PRDM16: variants seen among roughly 807,000 people sequenced by gnomAD.
PRDM16 encodes histone-lysine N-methyltransferase PRDM16.
Under a neutral mutation model 110.6 loss-of-function variants are expected in PRDM16, and 23 were observed. That is an observed-to-expected ratio of 0.21 (90% confidence interval 0.15 to 0.29). The LOEUF is 0.29. Among genes scored for constraint, PRDM16 ranks in the 10% least tolerant of loss-of-function variants. The probability of loss-of-function intolerance (pLI) is 1.00; values close to 1 mark genes in which losing one functional copy is unlikely to be tolerated. For missense variants in PRDM16, 1,615 were observed against 1,794.3 expected (o/e 0.90, Z 1.81); for synonymous variants, 799 against 781.8 (o/e 1.02, Z -0.37).
chr1:3,336,938 TTGG>T (rs1205747581), intron 3 of PRDM16, among the ~76,000 whole-genome samples: 2 of 151,084 alleles, frequency 1.3e-5, no homozygotes, highest in Non-Finnish European at 2.9e-5. Context: ...TGCACATGTG[TTGG>T]TGTGAGTCTG....
intron 5 of PRDM16, among the ~76,000 whole-genome samples, chr1:3,401,906 T>C (rs542271498): frequency 6.6e-6 from 1 of 152,262 alleles, no homozygotes; most frequent in African/African-American, 2.4e-5. Context: ...TGTAGGTGCA[T>C]GCAGAAACAC....
In PRDM16 at chr1:3,411,469, G is replaced by C; in HGVS notation, c.1272G>C (p.Lys424Asn). Residue 424 changes from lysine (K) to asparagine (N), a missense_variant, in exon 9 of 17, where the codon AAG becomes AAC. By Grantham distance (94) the Lys-to-Asn change is moderately conservative. Transcript: ENST00000270722. Reference sequence around the variant, plus strand: ...ACGCCGACTGCCGCACGCAGATCAAGTGCAAGGACTGTGGCCAGATGTTCA... The same window carrying C: ...ACGCCGACTGCCGCACGCAGATCAACTGCAAGGACTGTGGCCAGATGTTCA... Reference protein sequence around the residue: ...RMHADCRTQIKCKDCGQMFST... With the variant: ...RMHADCRTQINCKDCGQMFST... 1 of 1,614,224 alleles carries C rather than the reference G, an allele frequency of 6.2e-7. No individual in the cohort carries two copies. The highest frequency in any genetic ancestry group is 8.5e-7 in the Non-Finnish European group (1 of 1,180,050).
chr1:3,119,805 G>C (rs1643049537), intron 1 of PRDM16, among the ~76,000 whole-genome samples: 1 of 152,210 alleles, frequency 6.6e-6, no homozygotes, highest in South Asian at 2.1e-4. Flanking sequence ...GCTGAGAAAG[G>C]CCTGCCCCTG....
chr1:3,212,295 T>C (rs938563100), intron 2 of PRDM16, among the ~76,000 whole-genome samples: 1 of 152,192 alleles, frequency 6.6e-6, no homozygotes, highest in Admixed American at 6.5e-5. Context: ...TTGTCCCCGC[T>C]GGGGCTCGGG....
intron 1 of PRDM16, among the ~76,000 whole-genome samples, chr1:3,172,786 G>T (rs562724271): frequency 6.6e-6 from 1 of 152,324 alleles, no homozygotes; most frequent in African/African-American, 2.4e-5. Context: ...TGCCGGGGCT[G>T]GGGGAGGGGA....
chr1:3,322,029 T>C (rs1395719944), intron 3 of PRDM16, among the ~76,000 whole-genome samples: 4 of 147,918 alleles, frequency 2.7e-5, no homozygotes, highest in African/African-American at 1.1e-4. Flanking sequence ...AGTGCAGATG[T>C]GTGTGAGAGT....
At chr1:3,223,103 C>CTTCT (rs1639211704) in intron 2 of PRDM16, among the ~76,000 whole-genome samples, 1 of 73,996 alleles carries the variant, frequency 1.4e-5, no homozygotes, top group African/African-American at 7.1e-5. Context: ...AAAATCAAGG[C>CTTCT]TTTTTTTTTT....
At chr1:3,261,219 C>T (rs1486798323) in intron 3 of PRDM16, among the ~76,000 whole-genome samples, 1 of 151,690 alleles carries the variant, frequency 6.6e-6, no homozygotes, top group South Asian at 2.1e-4. Context: ...CACAGAGAAG[C>T]GGGCCTTGGG....
At chr1:3,403,056 TCCC>T in intron 6 of PRDM16, 58 bp downstream of exon 6, 2 of 758,892 alleles carry the variant, frequency 2.6e-6, no homozygotes, top group Non-Finnish European at 3.5e-6. Context: ...TGAGTCTTCC[TCCC>T]CTTCCCGTGC....
chr1:3,090,408 C>T (rs554737054), intron 1 of PRDM16, among the ~76,000 whole-genome samples: 63 of 152,374 alleles, frequency 4.1e-4, no homozygotes, highest in African/African-American at 7.2e-4. Context: ...TGGTGGCCGC[C>T]GTTCGGCAGG....
intron 2 of PRDM16, among the ~76,000 whole-genome samples, chr1:3,232,520 T>C (rs1368992829): frequency 6.6e-6 from 1 of 152,258 alleles, no homozygotes; most frequent in African/African-American, 2.4e-5. Context: ...ATTGTACTTC[T>C]GGCCTCCTTG....
At chr1:3,402,194 G>A (rs1162944497) in intron 5 of PRDM16, among the ~76,000 whole-genome samples, 1 of 152,114 alleles carries the variant, frequency 6.6e-6, no homozygotes, top group African/African-American at 2.4e-5. Context: ...GCATCTTGTT[G>A]GGGGGGTCTC....
At chr1:3,320,340 A>G (rs756768042) in intron 3 of PRDM16, among the ~76,000 whole-genome samples, 3 of 152,042 alleles carry the variant, frequency 2.0e-5, no homozygotes, top group Non-Finnish European at 2.9e-5. Context: ...GTGTGTGTGT[A>G]TGCACACGTG....
chr1:3,300,753 A>G (rs1421235377), intron 3 of PRDM16, among the ~76,000 whole-genome samples: 2 of 152,022 alleles, frequency 1.3e-5, no homozygotes, highest in African/African-American at 2.4e-5. Flanking sequence ...ATCCCCCCGA[A>G]CCCCATTTAT....
intron 3 of PRDM16, among the ~76,000 whole-genome samples, chr1:3,314,676 C>CGT (rs1052014506): frequency 2.6e-4 from 39 of 151,976 alleles, no homozygotes; most frequent in African/African-American, 9.2e-4. Flanking sequence ...CCTTCGCCCC[C>CGT]GTAGCCAGTT....
chr1:3,405,763 T>A, intron 8 of PRDM16, 115 bp downstream of exon 8: 1 of 1,100,166 alleles, frequency 9.1e-7, no homozygotes, highest in African/African-American at 1.6e-5. Flanking sequence ...CCCAGTTTGT[T>A]CATAAAGCAC....
chr1:3,418,979 C>T (rs964346411), intron 12 of PRDM16, among the ~76,000 whole-genome samples: 1 of 152,132 alleles, frequency 6.6e-6, no homozygotes, highest in Admixed American at 6.5e-5. Context: ...CTGCCTGGCT[C>T]TCAAAGATGT....
intron 3 of PRDM16, among the ~76,000 whole-genome samples, chr1:3,254,320 CAGG>C (rs1215593340): frequency 6.6e-6 from 1 of 152,122 alleles, no homozygotes. Flanking sequence ...GGCAGTTAGG[CAGG>C]AGAAGGAAAT....
At chr1:3,155,247 G>A (rs561021164) in intron 1 of PRDM16, among the ~76,000 whole-genome samples, 1 of 152,236 alleles carries the variant, frequency 6.6e-6, no homozygotes, top group East Asian at 1.9e-4. Context: ...CAAGGCAGGC[G>A]GTGGGACCCG....
Sources: gnomAD v4.1 joint callset for allele counts (sites outside exome capture counted in the v4.1 genomes callset) on GRCh38, gnomAD v4.1.1 for gene constraint, MANE v1.5 for transcripts, NCBI Gene and HGNC (gene_info 2026-07-23, HGNC 2026-07-21) for gene names.